The following ADGB variants were observed in gnomAD, a reference collection of about 807,000 sequenced individuals.
ADGB encodes calpain-7-like protein.
A neutral mutation model predicts 210.5 loss-of-function variants in ADGB; 172 were observed. The ratio of observed to expected loss-of-function variants is 0.82; its 90% CI spans 0.72 to 0.93. The LOEUF is 0.93. Ranked by LOEUF, ADGB falls within the 40% of genes least tolerant of loss-of-function variation. ADGB has a pLI of 0.00. For missense variants in ADGB, 2,025 were observed against 1,964.8 expected, an observed-to-expected ratio of 1.03 and a Z score of -0.58; for synonymous variants, 658 against 662.7, an observed-to-expected ratio of 0.99 and a Z score of 0.11.
At position 146,644,866 on chromosome 6, in the gene ADGB, G is replaced by A. The variant is rs1775584150; in HGVS notation, c.330+1G>A. 1 of 1,455,058 alleles carries A rather than the reference G, an allele frequency of 6.9e-7. No individual in the cohort carries two copies. Among genetic ancestry groups the A allele is most frequent in the Non-Finnish European group, 9.1e-7 (1 of 1,098,582 alleles). 90.1% of individuals were successfully genotyped at this position (1,455,058 alleles called of 1,614,324 possible). On this transcript the variant is annotated splice_donor_variant, in intron 3 of 35. Coordinates refer to ENST00000397944, the MANE Select transcript of ADGB (RefSeq NM_024694.4). LOFTEE classifies it high-confidence loss of function. ...TCCACAAGATATTTTATTTAGTCAG[G>A]TAAGAAAGTTTTTTCTATTAAATAA...
chr6:146,724,352 A>G lies in ADGB; in HGVS notation c.2237+25A>G. ...GGTATGAAGTGGCTTCATTTTTCCC[A>G]TAATAAAAATTGTTTGAAGGCTTGC... On this transcript the variant is annotated intron_variant, in intron 18 of 35. Coordinates refer to ENST00000397944, the MANE Select transcript of ADGB (RefSeq NM_024694.4). 3 of 1,490,098 alleles carry G rather than the reference A, an allele frequency of 2.0e-6. No individual in the cohort carries two copies. In the South Asian group the frequency reaches 4.0e-5, roughly 20 times the overall value. The allele number at this position is 1,490,098 out of a possible 1,614,324, so 92.3% of individuals were successfully genotyped here. A position where few individuals can be genotyped will look rare whatever the true frequency, so the allele number is the denominator to read the frequency against.
Position 146,684,317 on chromosome 6 carries a change from G to C in ADGB, c.1217-1417G>C, listed in dbSNP as rs372721661. ...ATTTTATCCATTTTAATATTTAGCA[G>C]TCATCACTGTCAGGAACTTCCTCTC... On this transcript the variant is annotated intron_variant, in intron 9 of 35. Transcript: ENST00000397944. Among the ~76,000 whole-genome samples, 221 of 152,182 alleles carry C rather than the reference G, an allele frequency of 1.5e-3. 6 individuals carry two copies. The South Asian group carries it at 0.033, about 23-fold the overall frequency.
At chr6:146,764,179 G>A in intron 28 of ADGB, 79 bp downstream of exon 28, 2 of 1,299,434 alleles carry the variant, frequency 1.5e-6, no homozygotes, top group Non-Finnish European at 2.1e-6. Context: ...CCTAAAAATA[G>A]TCAATATACA....
At chr6:146,759,779 C>T (rs75821899) in intron 27 of ADGB, among the ~76,000 whole-genome samples, 28,090 of 151,682 alleles carry the variant, frequency 0.19, 3,226 homozygotes, top group Middle Eastern at 0.32. Flanking sequence ...TTTATCCATG[C>T]TCCCCTGATT....
At chr6:146,747,973 A>G (rs1023195608) in intron 26 of ADGB, among the ~76,000 whole-genome samples, 2 of 151,584 alleles carry the variant, frequency 1.3e-5, no homozygotes, top group African/African-American at 4.8e-5. Flanking sequence ...TGTAGAGATC[A>G]GGTCTCACCA....
intron 28 of ADGB, among the ~76,000 whole-genome samples, chr6:146,766,539 G>A (rs946214452): frequency 2.6e-5 from 4 of 151,814 alleles, no homozygotes; most frequent in African/African-American, 4.8e-5. Context: ...AGGAGAAATC[G>A]CAGAGTTGAT....
At chr6:146,648,392 T>C (rs894798851) in intron 3 of ADGB, among the ~76,000 whole-genome samples, 2 of 151,994 alleles carry the variant, frequency 1.3e-5, no homozygotes, top group African/African-American at 4.8e-5. Flanking sequence ...AAGACATACC[T>C]GAGACTGGGT....
chr6:146,722,254 A>T (rs1583606457), intron 17 of ADGB, among the ~76,000 whole-genome samples: 1 of 151,398 alleles, frequency 6.6e-6, no homozygotes, highest in Non-Finnish European at 1.5e-5. Context: ...AATTTCAAGC[A>T]CCCCACTCCC....
At chr6:146,812,322 A>G (rs569748939) in intron 35 of ADGB, among the ~76,000 whole-genome samples, 109 of 152,366 alleles carry the variant, frequency 7.2e-4, no homozygotes, top group African/African-American at 2.4e-3. Context: ...AGTTTCATCA[A>G]TGTCTCGAGA....
chr6:146,739,493 G>C (rs957806925), intron 23 of ADGB, among the ~76,000 whole-genome samples: 7 of 152,078 alleles, frequency 4.6e-5, no homozygotes, highest in African/African-American at 1.7e-4. Flanking sequence ...ATTTTAAAAG[G>C]CCTTTCAAAC....
intron 13 of ADGB, among the ~76,000 whole-genome samples, chr6:146,707,353 T>G (rs1288285922): frequency 6.6e-6 from 1 of 152,168 alleles, no homozygotes; most frequent in African/African-American, 2.4e-5. Flanking sequence ...TAGGTCCATT[T>G]GATCTAAAGT....
chr6:146,660,956 T>A (rs1409974389), intron 5 of ADGB, among the ~76,000 whole-genome samples: 2 of 152,156 alleles, frequency 1.3e-5, no homozygotes, highest in Non-Finnish European at 2.9e-5. Context: ...ATTTATTGCA[T>A]TCTTAATCCC....
chr6:146,711,883 A>G (rs1776661857), intron 13 of ADGB, among the ~76,000 whole-genome samples: 4 of 151,916 alleles, frequency 2.6e-5, no homozygotes. Context: ...AACAAAAAAA[A>G]ACAACAACAA....
chr6:146,608,048 GT>G (rs1206697142), intron 1 of ADGB, among the ~76,000 whole-genome samples: 1 of 152,036 alleles, frequency 6.6e-6, no homozygotes, highest in South Asian at 2.1e-4. Flanking sequence ...TGGTTGGTAG[GT>G]TTTTTTATTA....
rs188865228 is a variant in ADGB, at chr6:146,761,654, A to G, written c.3551-2247A>G. Among the ~76,000 whole-genome samples, 97 of 152,162 alleles carry G rather than the reference A, an allele frequency of 6.4e-4. 1 individual carries two copies. Among genetic ancestry groups the G allele is most frequent in the Admixed American group, 8.5e-4 (13 of 15,254 alleles). On this transcript the variant is annotated intron_variant, in intron 27 of 35. Transcript: ENST00000397944. ...ATGGTGCATATACTTTACTATTTTC[A>G]TATTTAAGTATTTTATTTTTAGTGG...
intron 35 of ADGB, chr6:146,803,529 T>A: frequency 2.5e-6 from 4 of 1,593,586 alleles, no homozygotes; most frequent in Non-Finnish European, 3.4e-6. Flanking sequence ...TATCTGGGCT[T>A]TTCACAGTTT....
intron 33 of ADGB, among the ~76,000 whole-genome samples, chr6:146,799,058 CAAAAAAAAAAA>C (rs71552962): frequency 1.6e-5 from 1 of 63,514 alleles, no homozygotes; most frequent in Non-Finnish European, 2.8e-5. Context: ...TATGGAAATG[CAAAAAAAAAAA>C]AAAAAAAAAA....
intron 28 of ADGB, among the ~76,000 whole-genome samples, chr6:146,767,537 C>T (rs1182207552): frequency 1.3e-5 from 2 of 152,152 alleles, no homozygotes; most frequent in African/African-American, 2.4e-5. Flanking sequence ...GGCGTGATCT[C>T]AGCTCACTGC....
intron 1 of ADGB, among the ~76,000 whole-genome samples, chr6:146,626,025 T>C (rs1331289774): frequency 1.3e-5 from 2 of 152,022 alleles, no homozygotes; most frequent in Non-Finnish European, 2.9e-5. Flanking sequence ...TTTGGATAGA[T>C]TATATTTTAA....
Sources: allele counts gnomAD v4.1 joint callset (sites outside exome capture counted in the v4.1 genomes callset), GRCh38; gene constraint gnomAD v4.1.1; transcripts MANE v1.5; gene names NCBI Gene and HGNC (gene_info 2026-07-23, HGNC 2026-07-21).